The following DDX4 variants were observed in gnomAD, a reference collection of about 807,000 sequenced individuals.
DDX4 encodes the protein DEAD-box helicase 4.
DDX4 carries 25 observed loss-of-function variants against 100.0 expected under a neutral mutation model. That is an observed-to-expected ratio of 0.25 (90% CI 0.18 to 0.35). The LOEUF is 0.35. Ranked by LOEUF, DDX4 falls within the 10% of genes least tolerant of loss-of-function variation. The pLI is 1.00. For synonymous variants in DDX4, 259 were observed against 275.7 expected, an observed-to-expected ratio of 0.94 and a Z score of 0.60; for missense variants, 635 against 882.4, an observed-to-expected ratio of 0.72 and a Z score of 3.55.
intron 2 of DDX4, among the ~76,000 whole-genome samples, chr5:55,743,578 C>T (rs926512041): frequency 2.1e-4 from 32 of 152,080 alleles, no homozygotes; most frequent in East Asian, 1.4e-3. Context: ...TACAGGTGCC[C>T]GCCACCATGC....
intron 2 of DDX4, among the ~76,000 whole-genome samples, chr5:55,740,883 A>G (rs1330182959): frequency 6.6e-6 from 1 of 152,008 alleles, no homozygotes. Context: ...CCATATTACA[A>G]CTTTTGTGGG....
At chr5:55,759,179 C>T (rs182094466) in intron 3 of DDX4, among the ~76,000 whole-genome samples, 8 of 151,964 alleles carry the variant, frequency 5.3e-5, no homozygotes, top group African/African-American at 1.4e-4. Context: ...TATTAATTTT[C>T]GTTCTTTATT....
intron 16 of DDX4, among the ~76,000 whole-genome samples, 186 bp from the exon 17 acceptor site, chr5:55,792,455 G>A (rs1316879366): frequency 6.6e-6 from 1 of 151,428 alleles, no homozygotes; most frequent in Non-Finnish European, 1.5e-5. Context: ...TGCCTCCCGG[G>A]TTCACACCGT....
Position 55,816,989 on chromosome 5 carries a change from T to TA in DDX4, c.*451dup, listed in dbSNP as rs2112217858. 1 of 153,700 alleles carries TA rather than the reference T, an allele frequency of 6.5e-6. No homozygotes were observed. The highest frequency in any genetic ancestry group is 2.0e-4 in the South Asian group (1 of 4,880). 9.5% of individuals were successfully genotyped at this position (153,700 alleles called of 1,614,324 possible). ...AATCTTTAAGAGAAAGTAGAATACT[T>TA]AAGCCTTTCAAAGTGATTTTGATTT... On this transcript the variant is annotated 3_prime_UTR_variant, in exon 22 of 22. Transcript: ENST00000505374.
intron 7 of DDX4, 75 bp downstream of exon 7, chr5:55,768,015 T>C (rs60640325): frequency 0.14 from 187,089 of 1,330,724 alleles, 18,140 homozygotes; most frequent in Admixed American, 0.4. Flanking sequence ...TTGAAGGAGC[T>C]GGATGAAAAA....
intron 3 of DDX4, among the ~76,000 whole-genome samples, chr5:55,751,027 C>T (rs1402820840): frequency 1.3e-5 from 2 of 151,970 alleles, no homozygotes; most frequent in Non-Finnish European, 2.9e-5. Context: ...ATAGTGGACT[C>T]GAGTAGAATT....
intron 2 of DDX4, among the ~76,000 whole-genome samples, chr5:55,739,887 A>G (rs530166159): frequency 3.3e-4 from 50 of 152,286 alleles, no homozygotes; most frequent in African/African-American, 1.1e-3. Flanking sequence ...AAAAGAAATA[A>G]CATGTTACCT....
chr5:55,814,842 A>C, intron 19 of DDX4, 59 bp from the exon 20 acceptor site: 7 of 1,535,868 alleles, frequency 4.6e-6, no homozygotes, highest in Non-Finnish European at 6.1e-6. Context: ...TTGAACTTTA[A>C]TGATTCACTT....
At position 55,762,340 on chromosome 5, in the gene DDX4, T is replaced by G; in HGVS notation, c.206-835T>G. Reference sequence around the variant, plus strand: ...CATCTCTGCTCTCGAGATTTTTAATTTAGTGGTAGAGAAACACATGGAAAG... The same window carrying G: ...CATCTCTGCTCTCGAGATTTTTAATGTAGTGGTAGAGAAACACATGGAAAG... On this transcript the variant is annotated intron_variant, in intron 4 of 21. Coordinates refer to ENST00000505374, the MANE Select transcript of DDX4 (RefSeq NM_024415.3). Among the ~76,000 whole-genome samples the G allele has an allele frequency of 1.3e-5, 2 of 152,154 alleles. 1 individual carries two copies. Among genetic ancestry groups the G allele is most frequent in the Non-Finnish European group, 2.9e-5 (2 of 68,016 alleles).
chr5:55,765,413 A>AAAT lies in DDX4; in HGVS notation c.334+1350_334+1351insATA, dbSNP rs1392558099. ...GTTCCCCTAAAAAAAAAAAAAAAAA[A>AAAT]ATATATATATATATATATATATATG... On this transcript the variant is annotated intron_variant, in intron 6 of 21. Coordinates refer to ENST00000505374, the MANE Select transcript of DDX4 (RefSeq NM_024415.3). 7.5e-3 allele frequency among the ~76,000 whole-genome samples: 618 copies of AAAT among 82,918 alleles called. 1 individual carries two copies. Among genetic ancestry groups the AAAT allele is most frequent in the Non-Finnish European group, 0.011 (498 of 46,718 alleles). 54.4% of individuals were successfully genotyped at this position (82,918 alleles called of 152,430 possible).
At chr5:55,805,981 A>C (rs570864559) in intron 18 of DDX4, among the ~76,000 whole-genome samples, 4 of 152,078 alleles carry the variant, frequency 2.6e-5, no homozygotes, top group Non-Finnish European at 5.9e-5. Flanking sequence ...GTAAGCTATT[A>C]ATTATTACCT....
chr5:55,781,950 T>C lies in DDX4; in HGVS notation c.594T>C (p.Ser198=), dbSNP rs373025083. Reference sequence around the variant, plus strand: ...GCCTTACAGGTAATGGTGATACTTCTCAAAGCAGAAGTGGCAGTGGAAGTG... The same window carrying C: ...GCCTTACAGGTAATGGTGATACTTCCCAAAGCAGAAGTGGCAGTGGAAGTG... The part of the protein sequence containing the change: ...VLSGTGNGDT[S]QSRSGSGSER... Residue 198 remains serine, a synonymous_variant, in exon 10 of 22, where the codon TCT becomes TCC. Transcript: ENST00000505374. 4 of 1,613,988 alleles carry C rather than the reference T, an allele frequency of 2.5e-6. No homozygotes were observed. The highest frequency in any genetic ancestry group is 3.4e-6 in the Non-Finnish European group (4 of 1,180,014).
chr5:55,786,717 G>C, intron 14 of DDX4, 47 bp downstream of exon 14: 2 of 1,508,668 alleles, frequency 1.3e-6, no homozygotes, highest in Non-Finnish European at 1.8e-6. Context: ...TTTGAGCTTT[G>C]GTTCTTCCTT....
intron 7 of DDX4, among the ~76,000 whole-genome samples, chr5:55,774,231 A>G (rs1248318044): frequency 6.6e-6 from 1 of 151,428 alleles, no homozygotes; most frequent in Non-Finnish European, 1.5e-5. Flanking sequence ...GGTTCATGAC[A>G]GCTTCAACTT....
chr5:55,743,167 C>T (rs949289024), intron 2 of DDX4, among the ~76,000 whole-genome samples: 6 of 152,152 alleles, frequency 3.9e-5, no homozygotes, highest in African/African-American at 7.2e-5. Flanking sequence ...GTGTCAGCAG[C>T]GCTGCCCTCC....
intron 7 of DDX4, 37 bp downstream of exon 7, chr5:55,767,977 C>T (rs1314867260): frequency 6.4e-7 from 1 of 1,570,556 alleles, no homozygotes; most frequent in Non-Finnish European, 8.8e-7. Context: ...GTACTTAACA[C>T]AGAGACACTA....
intron 3 of DDX4, among the ~76,000 whole-genome samples, chr5:55,759,855 G>C (rs1760198409): frequency 6.6e-6 from 1 of 151,762 alleles, no homozygotes; most frequent in African/African-American, 2.4e-5. Context: ...TCCTTGTTCT[G>C]GCTATTAGCA....
chr5:55,791,784 G>C (rs771743907), intron 16 of DDX4, among the ~76,000 whole-genome samples: 2 of 152,126 alleles, frequency 1.3e-5, no homozygotes, highest in Admixed American at 6.5e-5. Flanking sequence ...GCGCCTAATA[G>C]CTAGCTACCT....
At chr5:55,755,067 C>G (rs1759839701) in intron 3 of DDX4, among the ~76,000 whole-genome samples, 1 of 151,832 alleles carries the variant, frequency 6.6e-6, no homozygotes, top group Non-Finnish European at 1.5e-5. Context: ...TATTTCTGTC[C>G]CTATAACAAC....
Sources: gnomAD v4.1 joint callset for allele counts (sites outside exome capture counted in the v4.1 genomes callset) on GRCh38, gnomAD v4.1.1 for gene constraint, MANE v1.5 for transcripts, NCBI Gene and HGNC (gene_info 2026-07-23, HGNC 2026-07-21) for gene names.